Variants in KCNMA1 observed in about 807,000 individuals in gnomAD.
KCNMA1 encodes the protein potassium calcium-activated channel subfamily M alpha 1, also known as Calcium-activated potassium channel subunit alpha-1.
In KCNMA1, 29 loss-of-function variants were observed where a neutral mutation model predicts 140.0. The ratio of observed to expected loss-of-function variants is 0.21; its 90% confidence interval spans 0.15 to 0.28. The LOEUF (loss-of-function observed/expected upper bound fraction) is 0.28. KCNMA1 is among the 10% of genes least tolerant of loss of function. The pLI, the probability that KCNMA1 is intolerant of heterozygous loss-of-function variation, is 1.00. For missense variants in KCNMA1, 880 were observed against 1,602.2 expected (o/e 0.55, Z 7.70); for synonymous variants, 612 against 611.9 (o/e 1.00, Z 0.00).
intron 1 of KCNMA1, among the ~76,000 whole-genome samples, chr10:77,609,547 ATGTAT>A (rs1386791976): frequency 2.6e-5 from 4 of 152,226 alleles, no homozygotes; most frequent in African/African-American, 9.6e-5. Context: ...ATTAATAACA[ATGTAT>A]TGTATTCTTG....
chr10:77,240,626 A>G (rs887608789), intron 3 of KCNMA1, among the ~76,000 whole-genome samples: 1 of 152,246 alleles, frequency 6.6e-6, no homozygotes, highest in East Asian at 1.9e-4. Flanking sequence ...TTTGAGGCCA[A>G]TATTTTAAAA....
intron 1 of KCNMA1, among the ~76,000 whole-genome samples, chr10:77,610,424 A>G (rs1436502553): frequency 6.6e-6 from 1 of 152,236 alleles, no homozygotes; most frequent in Non-Finnish European, 1.5e-5. Context: ...GCCCTCACTG[A>G]GCCGCAGCCT....
chr10:77,548,184 A>G (rs2061895362), intron 1 of KCNMA1, among the ~76,000 whole-genome samples: 1 of 152,188 alleles, frequency 6.6e-6, no homozygotes, highest in Non-Finnish European at 1.5e-5. Flanking sequence ...ACAGGAAGCC[A>G]AAAAAGGAAT....
At chr10:77,194,665 G>T (rs571409095) in intron 3 of KCNMA1, among the ~76,000 whole-genome samples, 3 of 152,036 alleles carry the variant, frequency 2.0e-5, no homozygotes, top group Middle Eastern at 3.4e-3. Flanking sequence ...TAGTATTTCA[G>T]CCAGTAGCCT....
chr10:77,624,379 T>C (rs1385585819), intron 1 of KCNMA1, among the ~76,000 whole-genome samples: 3 of 152,192 alleles, frequency 2.0e-5, no homozygotes, highest in Non-Finnish European at 2.9e-5. Flanking sequence ...GAAGTAATAG[T>C]AGAGTCACAA....
intron 14 of KCNMA1, among the ~76,000 whole-genome samples, chr10:77,061,216 TTTAAG>T (rs1364737485): frequency 1.3e-5 from 2 of 151,906 alleles, no homozygotes; most frequent in African/African-American, 2.4e-5. Flanking sequence ...GGAAAGAAAG[TTTAAG>T]TTAAGAAAAT....
chr10:77,046,721 A>C (rs963685414), intron 14 of KCNMA1, among the ~76,000 whole-genome samples: 2 of 152,226 alleles, frequency 1.3e-5, no homozygotes, highest in African/African-American at 4.8e-5. Context: ...GCATGTGGTT[A>C]TCTCCTTCTC....
intron 1 of KCNMA1, among the ~76,000 whole-genome samples, chr10:77,628,986 C>G (rs2092872070): frequency 6.6e-6 from 1 of 152,164 alleles, no homozygotes; most frequent in African/African-American, 2.4e-5. Flanking sequence ...CCAAGAAAAT[C>G]TGGTAGAGAG....
At chr10:77,065,631 T>C (rs1404669288) in intron 14 of KCNMA1, among the ~76,000 whole-genome samples, 1 of 152,198 alleles carries the variant, frequency 6.6e-6, no homozygotes, top group Non-Finnish European at 1.5e-5. Context: ...CCCGATCATG[T>C]AGTATCACCT....
intron 2 of KCNMA1, among the ~76,000 whole-genome samples, chr10:77,324,511 T>C (rs1459925831): frequency 6.6e-6 from 1 of 150,692 alleles, no homozygotes; most frequent in African/African-American, 2.4e-5. Context: ...ACAAGCCCTG[T>C]CAATGCTAAA....
At chr10:76,924,234 C>T (rs577141683) in intron 23 of KCNMA1, among the ~76,000 whole-genome samples, 20 of 152,160 alleles carry the variant, frequency 1.3e-4, no homozygotes, top group African/African-American at 4.3e-4. Flanking sequence ...GTTAAGTATG[C>T]ATCCACTAAA....
At chr10:77,056,138 G>C (rs2095533392) in intron 14 of KCNMA1, among the ~76,000 whole-genome samples, 1 of 152,158 alleles carries the variant, frequency 6.6e-6, no homozygotes, top group Non-Finnish European at 1.5e-5. Flanking sequence ...TCCAGTATTT[G>C]GGAAGCCAAG....
intron 2 of KCNMA1, among the ~76,000 whole-genome samples, chr10:77,304,072 T>C (rs2077123823): frequency 6.6e-6 from 1 of 152,150 alleles, no homozygotes; most frequent in Admixed American, 6.5e-5. Flanking sequence ...ATTGTGTTGA[T>C]GGGCCATAAG....
intron 1 of KCNMA1, among the ~76,000 whole-genome samples, chr10:77,462,655 G>A (rs964902126): frequency 1.3e-5 from 2 of 152,214 alleles, no homozygotes; most frequent in African/African-American, 4.8e-5. Flanking sequence ...TAAGGTCCCT[G>A]GGAAAGGGAC....
chr10:77,404,680 T>C (rs909497105), intron 1 of KCNMA1, among the ~76,000 whole-genome samples: 5 of 152,198 alleles, frequency 3.3e-5, no homozygotes, highest in African/African-American at 1.2e-4. Flanking sequence ...CCAGCCTCTA[T>C]GCCCCTTTTC....
At chr10:77,148,982 C>G (rs1416539712) in intron 5 of KCNMA1, among the ~76,000 whole-genome samples, 1 of 152,140 alleles carries the variant, frequency 6.6e-6, no homozygotes, top group Non-Finnish European at 1.5e-5. Flanking sequence ...CACTTTAGAA[C>G]CTAATATCAT....
At chr10:77,003,784 A>C (rs1257725699) in intron 18 of KCNMA1, among the ~76,000 whole-genome samples, 3 of 152,316 alleles carry the variant, frequency 2.0e-5, no homozygotes, top group African/African-American at 7.2e-5. Flanking sequence ...AGTTCTTATA[A>C]ATATACCGTC....
At chr10:77,283,794 A>G (rs1030251955) in intron 2 of KCNMA1, among the ~76,000 whole-genome samples, 78 of 152,374 alleles carry the variant, frequency 5.1e-4, no homozygotes, top group African/African-American at 1.8e-3. Context: ...TGGGGGAGAC[A>G]GGTATCCATT....
chr10:76,926,805 A>G (rs778141889), intron 23 of KCNMA1, among the ~76,000 whole-genome samples: 1 of 152,188 alleles, frequency 6.6e-6, no homozygotes, highest in Non-Finnish European at 1.5e-5. Flanking sequence ...CGGTATCAAC[A>G]AACATATCAA....
Sources: gnomAD v4.1 joint callset for allele counts (sites outside exome capture counted in the v4.1 genomes callset) on GRCh38, gnomAD v4.1.1 for gene constraint, MANE v1.5 for transcripts, NCBI Gene and HGNC (gene_info 2026-07-23, HGNC 2026-07-21) for gene names.